SYNPR: variants seen among roughly 807,000 people sequenced by gnomAD.
SYNPR encodes synaptoporin.
Under a neutral mutation model 32.9 loss-of-function variants are expected in SYNPR, and 23 were observed. The ratio of observed to expected loss-of-function variants is 0.70; its 90% confidence interval spans 0.50 to 0.99. SYNPR has a LOEUF of 0.99. Ranked by LOEUF, SYNPR falls within the 50% of genes least tolerant of loss-of-function variation. SYNPR has a pLI of 0.00. For synonymous variants in SYNPR, 146 were observed against 135.9 expected (o/e 1.07, Z -0.52); for missense variants, 318 against 349.3 (o/e 0.91, Z 0.71).
chr3:63,257,876 C>G (rs1311141249), intron 2 of SYNPR, among the ~76,000 whole-genome samples: 2 of 152,108 alleles, frequency 1.3e-5, no homozygotes, highest in Admixed American at 1.3e-4. Flanking sequence ...GGAGGAAGAT[C>G]TACCAAGCAA....
intron 4 of SYNPR, among the ~76,000 whole-genome samples, chr3:63,608,198 C>T (rs143108333): frequency 7.8e-4 from 119 of 152,110 alleles, no homozygotes; most frequent in African/African-American, 2.7e-3. Context: ...GGATGAGAGA[C>T]GTAGCCCTCA....
At chr3:63,385,540 T>A (rs1383444581) in intron 2 of SYNPR, among the ~76,000 whole-genome samples, 1 of 152,328 alleles carries the variant, frequency 6.6e-6, no homozygotes, top group Non-Finnish European at 1.5e-5. Flanking sequence ...AAACAATGGA[T>A]ATGAACTCAC....
chr3:63,384,825 A>T (rs2088020254), intron 2 of SYNPR, among the ~76,000 whole-genome samples: 1 of 152,196 alleles, frequency 6.6e-6, no homozygotes, highest in South Asian at 2.1e-4. Flanking sequence ...AAAAACTGGG[A>T]TGTAGAGATG....
the SYNPR span, among the ~76,000 whole-genome samples, chr3:63,217,771 G>T: frequency 1.3e-5 from 2 of 152,060 alleles, no homozygotes; most frequent in Non-Finnish European, 2.9e-5. Context: ...AATGTGTTGT[G>T]GTCCTAGAAG....
At position 63,379,438 on chromosome 3, in the gene SYNPR, C is replaced by T. The variant is rs146004987; in HGVS notation, c.84+100696C>T. Among the ~76,000 whole-genome samples, 190 of 152,088 alleles carry T rather than the reference C, an allele frequency of 1.2e-3. No individual in the cohort carries two copies. In the Middle Eastern group the frequency reaches 0.017, roughly 14 times the overall value. ...GTGTTAATGTCCCTAAAAACAATTG[C>T]GGATTTGCCTTTCTCTCTTTTCAGT... On this transcript the variant is annotated intron_variant, in intron 2 of 5. Transcript: ENST00000478300.
chr3:63,403,403 TACACAC>T (rs535121207), intron 2 of SYNPR, among the ~76,000 whole-genome samples: 2 of 149,752 alleles, frequency 1.3e-5, no homozygotes, highest in African/African-American at 2.5e-5. Context: ...TACATATATA[TACACAC>T]ACACACACAT....
At chr3:63,595,143 T>C (rs935695025) in intron 4 of SYNPR, among the ~76,000 whole-genome samples, 3 of 152,192 alleles carry the variant, frequency 2.0e-5, no homozygotes, top group Non-Finnish European at 1.5e-5. Context: ...GCTTATTAGA[T>C]GGGTGATAAC....
At chr3:63,592,592 T>C (rs1699859006) in intron 4 of SYNPR, among the ~76,000 whole-genome samples, 1 of 152,084 alleles carries the variant, frequency 6.6e-6, no homozygotes, top group Non-Finnish European at 1.5e-5. Context: ...TATTGTAATA[T>C]AACTAATAAA....
intron 2 of SYNPR, among the ~76,000 whole-genome samples, chr3:63,282,798 A>G (rs1158622845): frequency 6.6e-6 from 1 of 152,124 alleles, no homozygotes; most frequent in Non-Finnish European, 1.5e-5. Flanking sequence ...CATTCTTTGT[A>G]TTTGATAAAA....
chr3:63,596,464 CA>C (rs1159301071), intron 4 of SYNPR, among the ~76,000 whole-genome samples: 1 of 151,954 alleles, frequency 6.6e-6, no homozygotes, highest in Non-Finnish European at 1.5e-5. Flanking sequence ...GTCTTGTTAA[CA>C]GAGTGGTCAA....
At chr3:63,411,188 G>T (rs1310171487) in intron 2 of SYNPR, among the ~76,000 whole-genome samples, 1 of 152,116 alleles carries the variant, frequency 6.6e-6, no homozygotes, top group African/African-American at 2.4e-5. Context: ...CTAACTTAAT[G>T]GTGTGTGGGT....
intron 2 of SYNPR, among the ~76,000 whole-genome samples, chr3:63,452,447 A>G (rs1700396643): frequency 6.6e-6 from 1 of 152,186 alleles, no homozygotes. Context: ...TGAGGAAGTT[A>G]AAAGAGGAGA....
chr3:63,310,607 C>T (rs1041315643), intron 2 of SYNPR, among the ~76,000 whole-genome samples: 2 of 151,936 alleles, frequency 1.3e-5, no homozygotes, highest in African/African-American at 2.4e-5. Flanking sequence ...AGATCCAAGG[C>T]CAGTGGGAAG....
chr3:63,549,916 A>G (rs1012211136), intron 3 of SYNPR: 30 of 152,190 alleles, frequency 2.0e-4, no homozygotes, highest in African/African-American at 6.5e-4. Flanking sequence ...TTACCTCTTG[A>G]TTGGGTCGGG....
chr3:63,576,662 G>A (rs1352837127), intron 4 of SYNPR, among the ~76,000 whole-genome samples: 1 of 151,786 alleles, frequency 6.6e-6, no homozygotes, highest in Non-Finnish European at 1.5e-5. Context: ...ATGGTAGCAC[G>A]TGCCTGTAGT....
At chr3:63,254,417 T>C (rs1184285976) in intron 2 of SYNPR, among the ~76,000 whole-genome samples, 2 of 152,148 alleles carry the variant, frequency 1.3e-5, no homozygotes, top group South Asian at 2.1e-4. Context: ...AATTTAGTAG[T>C]TGCAACCAAC....
intron 3 of SYNPR, among the ~76,000 whole-genome samples, chr3:63,547,239 G>T (rs775107847): frequency 1.1e-4 from 17 of 152,094 alleles, no homozygotes; most frequent in Non-Finnish European, 2.5e-4. Flanking sequence ...TTACATTTCA[G>T]ATCTACTCTC....
upstream of SYNPR, among the ~76,000 whole-genome samples, chr3:63,227,059 AAG>A (rs907124885): frequency 6.6e-6 from 1 of 152,240 alleles, no homozygotes; most frequent in Admixed American, 6.5e-5. Flanking sequence ...GGATTGGAAA[AAG>A]AGAACAGTTG....
chr3:63,533,461 A>G (rs551809873), intron 3 of SYNPR, among the ~76,000 whole-genome samples: 1 of 152,180 alleles, frequency 6.6e-6, no homozygotes, highest in East Asian at 1.9e-4. Flanking sequence ...TTTGTTTTAA[A>G]GATTCTGAGA....
Sources: allele counts gnomAD v4.1 joint callset (sites outside exome capture counted in the v4.1 genomes callset), GRCh38; gene constraint gnomAD v4.1.1; transcripts MANE v1.5; gene names NCBI Gene and HGNC (gene_info 2026-07-23, HGNC 2026-07-21).